The following PCNP variants were observed in gnomAD, a reference collection of about 807,000 sequenced individuals.
PCNP encodes PEST proteolytic signal-containing nuclear protein.
Under a neutral mutation model 21.8 loss-of-function variants are expected in PCNP, and 6 were observed. The ratio of observed to expected loss-of-function variants is 0.28; its 90% CI spans 0.15 to 0.54. The LOEUF is 0.54. Ranked by LOEUF, PCNP falls within the 20% of genes least tolerant of loss-of-function variation. The probability of loss-of-function intolerance (pLI) is 0.95; values close to 1 mark genes in which losing one functional copy is unlikely to be tolerated. For synonymous variants in PCNP, 67 were observed against 73.2 expected, an observed-to-expected ratio of 0.92 and a Z score of 0.43; for missense variants, 161 against 215.5, an observed-to-expected ratio of 0.75 and a Z score of 1.58.
At chr3:101,574,120 G>GCTGC (rs1363145448), upstream of PCNP, 33 of 1,499,968 alleles carry the variant, frequency 2.2e-5, no homozygotes, top group Non-Finnish European at 2.8e-5. Context: ...ACCGCTCTAG[G>GCTGC]CTGCCACCAC....
At chr3:101,589,103 T>G (rs1281356271) in intron 3 of PCNP, among the ~76,000 whole-genome samples, 2 of 152,180 alleles carry the variant, frequency 1.3e-5, no homozygotes, top group Admixed American at 1.3e-4. Context: ...TCTGATTCCA[T>G]CATCCTTTCT....
At chr3:101,574,777 T>A (rs889550522) in intron 1 of PCNP, 12 of 154,032 alleles carry the variant, frequency 7.8e-5, no homozygotes, top group Non-Finnish European at 1.2e-4. Flanking sequence ...CGCTTGCTGC[T>A]CCCTTTTCAC....
intron 2 of PCNP, among the ~76,000 whole-genome samples, chr3:101,583,343 A>G (rs1935330708): frequency 3.9e-5 from 6 of 152,056 alleles, no homozygotes; most frequent in Admixed American, 2.6e-4. Context: ...AATCCCAGTT[A>G]CTTGGGAGGC....
Position 101,586,545 on chromosome 3 carries a change from CGTGT to C in PCNP, c.354+1058_354+1061del, listed in dbSNP as rs377617517. Among the ~76,000 whole-genome samples the C allele has an allele frequency of 8.2e-4, 82 of 99,828 alleles. 2 individuals are homozygous for C. Among genetic ancestry groups the C allele is most frequent in the South Asian group, 7.9e-4 (2 of 2,516 alleles). 65.5% of individuals were successfully genotyped at this position (99,828 alleles called of 152,430 possible). A position where few individuals can be genotyped will look rare whatever the true frequency, so the allele number is the denominator to read the frequency against. On this transcript the variant is annotated intron_variant, in intron 3 of 4. Coordinates refer to ENST00000265260, the MANE Select transcript of PCNP (RefSeq NM_020357.3). ...CCAAAAGCATATGTGGGCGTATATT[CGTGT>C]GTGTGTGTGTGTGTGTGTGTGTGAG...
intron 2 of PCNP, among the ~76,000 whole-genome samples, chr3:101,583,720 T>C (rs575928151): frequency 2.0e-4 from 30 of 151,782 alleles, no homozygotes; most frequent in African/African-American, 6.3e-4. Flanking sequence ...TGATCTTGGC[T>C]CACTGCAACC....
chr3:101,590,123 A>G (rs1341633426), intron 3 of PCNP, 92 bp from the exon 4 acceptor site: 2 of 725,868 alleles, frequency 2.8e-6, no homozygotes, highest in Admixed American at 5.2e-5. Flanking sequence ...TGAAAATGCT[A>G]AAAGACTTAG....
intron 2 of PCNP, among the ~76,000 whole-genome samples, chr3:101,584,897 A>G (rs1294202008): frequency 6.6e-6 from 1 of 152,196 alleles, no homozygotes; most frequent in Non-Finnish European, 1.5e-5. Context: ...CCAGCTATTC[A>G]GGACGCCAAG....
intron 4 of PCNP, among the ~76,000 whole-genome samples, chr3:101,591,816 G>T: frequency 7.3e-6 from 1 of 137,084 alleles, no homozygotes; most frequent in African/African-American, 2.7e-5. Flanking sequence ...CTGTCACTCA[G>T]GCTGGAGTGC....
chr3:101,589,376 C>G (rs9829611), intron 3 of PCNP, among the ~76,000 whole-genome samples: 2 of 151,736 alleles, frequency 1.3e-5, no homozygotes, highest in African/African-American at 2.4e-5. Context: ...ATTTTCAACA[C>G]CTATAAGTAT....
chr3:101,590,703 C>T (rs1935756394), intron 4 of PCNP, among the ~76,000 whole-genome samples: 1 of 150,014 alleles, frequency 6.7e-6, no homozygotes, highest in African/African-American at 2.4e-5. Flanking sequence ...TGCCATGACA[C>T]CCGGCTGATT....
In PCNP at chr3:101,591,280, T is replaced by A. The variant is rs574084222; in HGVS notation, c.410+1010T>A. Among the ~76,000 whole-genome samples, 3 of 152,348 alleles carry A rather than the reference T, an allele frequency of 2.0e-5. No homozygotes were observed. In the South Asian group the frequency reaches 6.2e-4, roughly 32 times the overall value. On this transcript the variant is annotated intron_variant, in intron 4 of 4. Transcript: ENST00000265260. ...TGTGCATTAATGGATAGCTTAGAGA[T>A]CAGTAAGAAAGCTTAATACCACCTC... is the stretch of plus-strand genomic sequence containing the variant.
chr3:101,586,571 T>TGTGTGTGTGTGTGTGTGTGA, intron 3 of PCNP, among the ~76,000 whole-genome samples: 5 of 114,140 alleles, frequency 4.4e-5, no homozygotes, highest in African/African-American at 1.2e-4. Context: ...TGTGTGTGTG[T>TGTGTGTGTGTGTGTGTGTGA]GAGAGAGAGA....
chr3:101,584,876 C>T (rs1425998346), intron 2 of PCNP, among the ~76,000 whole-genome samples: 1 of 152,214 alleles, frequency 6.6e-6, no homozygotes, highest in African/African-American at 2.4e-5. Flanking sequence ...TGGTGGCACA[C>T]ACCTGTAATC....
chr3:101,586,699 A>G (rs1378054940), intron 3 of PCNP, among the ~76,000 whole-genome samples: 1 of 151,236 alleles, frequency 6.6e-6, no homozygotes, highest in African/African-American at 2.4e-5. Context: ...CCCAGGCTCA[A>G]GTGATCCTCC....
At chr3:101,575,675 G>T (rs1333202321) in intron 1 of PCNP, among the ~76,000 whole-genome samples, 2 of 152,158 alleles carry the variant, frequency 1.3e-5, no homozygotes, top group Non-Finnish European at 1.5e-5. Context: ...AAAGCCTAAA[G>T]AATCATGTGT....
rs139790409 is a variant in PCNP, at chr3:101,575,094, A to G, written c.64+815A>G. Among the ~76,000 whole-genome samples the G allele has an allele frequency of 2.3e-4, 35 of 152,224 alleles. No homozygotes were observed. The East Asian group carries it at 6.8e-3, about 29-fold the overall frequency. On this transcript the variant is annotated intron_variant, in intron 1 of 4. Transcript: ENST00000265260. The stretch of plus-strand genomic sequence containing the variant: ...CCTTATTCTGTCCATTCCACTCCCT[A>G]AATTCGGGTCTTGTGCGTGAAGGAA...
Position 101,574,227 on chromosome 3 carries a change from G to T in PCNP, c.12G>T (p.Gly4=), listed in dbSNP as rs200918971. 99 of 1,549,786 alleles carry T rather than the reference G, an allele frequency of 6.4e-5. No individual in the cohort carries two copies. Among genetic ancestry groups the T allele is most frequent in the Non-Finnish European group, 8.2e-5 (94 of 1,145,976 alleles). Reference sequence around the variant, plus strand: ...CCGCGGCGGGGAAAATGGCGGACGGGAAGGCGGGAGACGAGAAGCCTGAAA... The same window carrying T: ...CCGCGGCGGGGAAAATGGCGGACGGTAAGGCGGGAGACGAGAAGCCTGAAA... MAD[G]KAGDEKPEKS... The change falls in exon 1 of 5, where the codon GGG becomes GGT. Residue 4 remains glycine, a synonymous_variant. Transcript: ENST00000265260.
At chr3:101,578,104 C>T (rs960508969) in intron 1 of PCNP, among the ~76,000 whole-genome samples, 1 of 151,956 alleles carries the variant, frequency 6.6e-6, no homozygotes, top group Non-Finnish European at 1.5e-5. Flanking sequence ...TTTAGTCATT[C>T]TTTAGTGTAT....
rs566510123 is a variant in PCNP at position 101,593,759 on chromosome 3, T to C, written c.*1006T>C. 5.9e-5 allele frequency: 9 copies of C among 152,760 alleles called. No homozygotes were observed. The South Asian group carries it at 1.9e-3, about 32-fold the overall frequency. The allele number at this position is 152,760 out of a possible 1,614,324, so 9.5% of individuals were successfully genotyped here. On this transcript the variant is annotated 3_prime_UTR_variant, in exon 5 of 5. Transcript: ENST00000265260. ...TGAACTTAACTATCGGCTTTCTTACTGGTAAAATTATATGGTTTATTTTAA... is the reference window on the plus strand; with the variant it reads ...TGAACTTAACTATCGGCTTTCTTACCGGTAAAATTATATGGTTTATTTTAA...
Sources: gnomAD v4.1 joint callset for allele counts (sites outside exome capture counted in the v4.1 genomes callset) on GRCh38, gnomAD v4.1.1 for gene constraint, MANE v1.5 for transcripts, NCBI Gene and HGNC (gene_info 2026-07-23, HGNC 2026-07-21) for gene names.